KIAA1614: variants seen among roughly 807,000 people sequenced by gnomAD.
The protein encoded by KIAA1614 is uncharacterized protein KIAA1614.
Under a neutral mutation model 88.7 loss-of-function variants are expected in KIAA1614, and 76 were observed. That is an observed-to-expected ratio of 0.86 (90% CI 0.71 to 1.04). KIAA1614 has a LOEUF of 1.04. Among genes scored for constraint, KIAA1614 ranks in the 50% least tolerant of loss-of-function variants. KIAA1614 has a pLI of 0.00. For synonymous variants in KIAA1614, 714 were observed against 675.5 expected (o/e 1.06, Z -0.88); for missense variants, 1,553 against 1,582.5 (o/e 0.98, Z 0.32).
chr1:180,916,876 C>T lies in KIAA1614; in HGVS notation c.773C>T (p.Ser258Phe), dbSNP rs777617928. 9 of 1,614,096 alleles carry T rather than the reference C, an allele frequency of 5.6e-6. No individual in the cohort carries two copies. In the African/African-American group the frequency reaches 8.0e-5, roughly 14 times the overall value. Residue 258 changes from serine (S) to phenylalanine (F), a missense_variant, in exon 2 of 9, where the codon TCC (serine) becomes TTC (phenylalanine). By Grantham distance (155) the Ser-to-Phe change is radical (BLOSUM62 -2). Coordinates refer to ENST00000367588, the MANE Select transcript of KIAA1614 (RefSeq NM_020950.2). ...ACAGAGGCAGATCTGGATAGCACAT[C>T]CCTGACCTCCGAGGAGGTCTTTGTC... Reference protein sequence around the residue: ...VVTEADLDSTSLTSEEVFVPR... With the variant: ...VVTEADLDSTFLTSEEVFVPR...
chr1:180,914,781 C>T (rs1653741066), intron 1 of KIAA1614, among the ~76,000 whole-genome samples: 1 of 152,008 alleles, frequency 6.6e-6, no homozygotes, highest in Non-Finnish European at 1.5e-5. Context: ...CTCTGTCGCC[C>T]AGGCTGGAGT....
In KIAA1614 at chr1:180,935,730, G is replaced by A. The variant is rs778570803; in HGVS notation, c.1821G>A (p.Glu607=). ...THIGDTVCPA[E]VDSALDSTDN... ...TCGGAGACACCGTGTGCCCTGCGGA[G>A]GTGGACTCTGCCCTGGACAGCACAG... is the stretch of plus-strand genomic sequence containing the variant. Residue 607 remains glutamate (E), a synonymous_variant, in exon 5 of 9, where the codon GAG becomes GAA. Transcript: ENST00000367588. The surrounding 1 kb of genome is among the most constrained non-coding windows in gnomAD (Gnocchi z 6.1). 1.6e-5 allele frequency: 26 copies of A among 1,613,700 alleles called. No individual in the cohort carries two copies. The highest frequency in any genetic ancestry group is 4.2e-6 in the Non-Finnish European group (5 of 1,179,968).
intron 7 of KIAA1614, 49 bp downstream of exon 7, chr1:180,941,334 C>A: frequency 6.4e-7 from 1 of 1,557,208 alleles, no homozygotes; most frequent in Non-Finnish European, 8.7e-7. Flanking sequence ...AGCGGTGCAA[C>A]CACCATCAGA....
intron 4 of KIAA1614, among the ~76,000 whole-genome samples, chr1:180,934,681 A>G (rs1364578225): frequency 6.6e-6 from 1 of 152,236 alleles, no homozygotes; most frequent in East Asian, 1.9e-4. Context: ...CCGTGACAGC[A>G]TTACAGCAAA....
chr1:180,935,308 C>G lies in KIAA1614; in HGVS notation c.1399C>G (p.Arg467Gly). 1 of 1,485,974 alleles carries G rather than the reference C, an allele frequency of 6.7e-7. No individual in the cohort carries two copies. The highest frequency in any genetic ancestry group is 8.9e-7 in the Non-Finnish European group (1 of 1,121,236). 92.0% of individuals were successfully genotyped at this position (1,485,974 alleles called of 1,614,324 possible). Residue 467 changes from arginine (R) to glycine (G), a missense_variant, in exon 5 of 9, where the codon CGG (arginine) becomes GGG (glycine). By Grantham distance (125) the Arg-to-Gly change is moderately radical. Coordinates refer to ENST00000367588, the MANE Select transcript of KIAA1614 (RefSeq NM_020950.2). This position sits in a 1 kb window ranked among gnomAD's most constrained non-coding sequence, Gnocchi z 6.1. The part of the protein sequence containing the change: ...AREAEFRHLE[R>G]LQQRQRQVLS... ...CGAAGCCGAGTTCCGTCACCTGGAGCGGCTGCAGCAGCGCCAGCGCCAGGT... is the reference window on the plus strand; with the variant it reads ...CGAAGCCGAGTTCCGTCACCTGGAGGGGCTGCAGCAGCGCCAGCGCCAGGT...
At chr1:180,940,990 C>T (rs1198045887) in intron 6 of KIAA1614, 55 bp from the exon 7 acceptor site, 1 of 1,417,482 alleles carries the variant, frequency 7.1e-7, no homozygotes, top group Non-Finnish European at 9.5e-7. Context: ...GTACAGTCTC[C>T]CTGGCCACCC....
At position 180,935,673 on chromosome 1, in the gene KIAA1614, G is replaced by A; in HGVS notation, c.1764G>A (p.Arg588=). 1 of 1,613,394 alleles carries A rather than the reference G, an allele frequency of 6.2e-7. No homozygotes were observed. The highest frequency in any genetic ancestry group is 8.5e-7 in the Non-Finnish European group (1 of 1,179,888). The change falls in exon 5 of 9, where the codon CGG becomes CGA. Residue 588 remains arginine (R), a synonymous_variant. Transcript: ENST00000367588. The surrounding 1 kb of genome is among the most constrained non-coding windows in gnomAD (Gnocchi z 6.1). The part of the protein sequence containing the change: ...SPLRLLPAEP[R]LHMEWIRETH... ...TCCGGCTCCTTCCTGCAGAGCCCCG[G>A]CTCCACATGGAATGGATCCGGGAAA...
chr1:180,915,875 T>C (rs1330257075), intron 1 of KIAA1614, among the ~76,000 whole-genome samples: 3 of 152,196 alleles, frequency 2.0e-5, no homozygotes, highest in Non-Finnish European at 4.4e-5. Flanking sequence ...AAGCTCCTTA[T>C]GAGAATCTAA....
chr1:180,926,398 G>A (rs892829202), intron 3 of KIAA1614, among the ~76,000 whole-genome samples: 21 of 151,056 alleles, frequency 1.4e-4, no homozygotes, highest in Middle Eastern at 3.5e-3. Flanking sequence ...GCCTCTAGGC[G>A]CCTAAAAAGC....
rs1240716484 is a variant in KIAA1614 at position 180,934,805 on chromosome 1, ACTT to A, written c.1206-308_1206-306del. 5.3e-5 allele frequency among the ~76,000 whole-genome samples: 8 copies of A among 152,286 alleles called. No individual in the cohort carries two copies. In the South Asian group the frequency reaches 1.2e-3, roughly 24 times the overall value. The stretch of plus-strand genomic sequence containing the variant: ...ACCCCAGCAACACACACTTGTGAGG[ACTT>A]CAGCATCTTCCCATTCAATAGTGTT... On this transcript the variant is annotated intron_variant, in intron 4 of 8. Transcript: ENST00000367588.
Position 180,943,548 on chromosome 1 carries a change from A to ATTTTTTTTTTTTTTTT in KIAA1614, c.3160-840_3160-839insTTTTTTTTTTTTTTTT, listed in dbSNP as rs201999726. On this transcript the variant is annotated intron_variant, in intron 7 of 8. Coordinates refer to ENST00000367588, the MANE Select transcript of KIAA1614 (RefSeq NM_020950.2). ...GGATTGTAGGATTGAATGGTAGTAG[A>ATTTTTTTTTTTTTTTT]TCTTTTTTTTTTTTTTTTGAGACAG... Among the ~76,000 whole-genome samples the ATTTTTTTTTTTTTTTT allele has an allele frequency of 3.1e-3, 233 of 74,860 alleles. 55 individuals carry two copies. The highest frequency in any genetic ancestry group is 8.1e-3 in the Middle Eastern group (1 of 124). 49.1% of individuals were successfully genotyped at this position (74,860 alleles called of 152,430 possible).
Position 180,917,854 on chromosome 1 carries a change from G to T in KIAA1614, c.1001G>T (p.Arg334Leu). The change falls in exon 3 of 9, where the codon CGA becomes CTA. Residue 334 changes from arginine (R) to leucine (L), a missense_variant. Physicochemically the swap from Arg to Leu is moderately radical, Grantham distance 102. Transcript: ENST00000367588. ...CTGCTTCTGTTCTGGATCCTAGAGC[G>T]ACCAGTGGGGGATGTGGACTGGGCC... ...TPSWDTAAPE[R>L]PVGDVDWASG... The T allele has an allele frequency of 6.2e-7, 1 of 1,613,808 alleles. No individual in the cohort carries two copies. The highest frequency in any genetic ancestry group is 1.1e-5 in the South Asian group (1 of 91,070).
In KIAA1614 at chr1:180,916,170, A is replaced by G. The variant is rs1571280843; in HGVS notation, c.67A>G (p.Ser23Gly). 3.2e-6 allele frequency: 5 copies of G among 1,569,680 alleles called. No individual in the cohort carries two copies. The highest frequency in any genetic ancestry group is 4.3e-6 in the Non-Finnish European group (5 of 1,158,044). The change falls in exon 2 of 9, where the codon AGT (serine) becomes GGT (glycine). Residue 23 changes from serine (S) to glycine (G), a missense_variant. Coordinates refer to ENST00000367588, the MANE Select transcript of KIAA1614 (RefSeq NM_020950.2). ...GGSPQGPKTG[S>G]GTASPVEGTS... ...CTCCTCCAGAGGGCCCAAGACAGGG[A>G]GTGGAACAGCCAGCCCCGTGGAGGG...
chr1:180,940,643 T>G (rs1429181116), intron 6 of KIAA1614, among the ~76,000 whole-genome samples: 2 of 152,126 alleles, frequency 1.3e-5, no homozygotes, highest in Non-Finnish European at 2.9e-5. Flanking sequence ...TCTTTTCTTT[T>G]CTTTTCTTTC....
chr1:180,916,765 C>CA lies in KIAA1614; in HGVS notation c.662_663insA (p.Gly222TrpfsTer7). ...ATCCATGGAGTTACTCCCGGACGGCCTGGGGGTCCTGGTCATTGTAACAAA... is the reference window on the plus strand; with the variant it reads ...ATCCATGGAGTTACTCCCGGACGGCCATGGGGGTCCTGGTCATTGTAACAAA... On this transcript the variant is annotated frameshift_variant, in exon 2 of 9. Coordinates refer to ENST00000367588, the MANE Select transcript of KIAA1614 (RefSeq NM_020950.2). LOFTEE classifies it high-confidence loss of function. The CA allele has an allele frequency of 6.2e-7, 1 of 1,614,226 alleles. No homozygotes were observed. Among genetic ancestry groups the CA allele is most frequent in the Non-Finnish European group, 8.5e-7 (1 of 1,180,036 alleles).
At position 180,917,033 on chromosome 1, in the gene KIAA1614, T is replaced by C; in HGVS notation, c.930T>C (p.Val310=). ...TGTTGCTGCAGGAGATGCTCAACGT[T>C]TCTGGGCAGAGCCCCCGCAAGGTGG... is the stretch of plus-strand genomic sequence containing the variant. ...NRLLLQEMLN[V]SGQSPRKVGT... is the part of the protein sequence containing the mutation. Residue 310 remains valine (V), a synonymous_variant, in exon 2 of 9, where the codon GTT becomes GTC. Transcript: ENST00000367588. 1 of 1,613,890 alleles carries C rather than the reference T, an allele frequency of 6.2e-7. No homozygotes were observed. Among genetic ancestry groups the C allele is most frequent in the Non-Finnish European group, 8.5e-7 (1 of 1,180,036 alleles).
rs759709240 is a variant in KIAA1614 at position 180,916,786 on chromosome 1, A to G, written c.683A>G (p.Asn228Ser). Reference protein sequence around the residue: ...PGRPGGPGHCNKIIHIPSPRT... With the variant: ...PGRPGGPGHCSKIIHIPSPRT... Reference sequence around the variant, plus strand: ...CGGCCTGGGGGTCCTGGTCATTGTAACAAAATCATCCACATTCCCAGCCCA... The same window carrying G: ...CGGCCTGGGGGTCCTGGTCATTGTAGCAAAATCATCCACATTCCCAGCCCA... The change falls in exon 2 of 9, where the codon AAC (asparagine) becomes AGC (serine). Residue 228 changes from asparagine (N) to serine (S), a missense_variant. Physicochemically the swap from Asn to Ser is conservative, Grantham distance 46. Coordinates refer to ENST00000367588, the MANE Select transcript of KIAA1614 (RefSeq NM_020950.2). The G allele has an allele frequency of 1.0e-4, 164 of 1,614,132 alleles. No homozygotes were observed. In the Admixed American group the frequency reaches 1.9e-3, roughly 19 times the overall value.
At chr1:180,919,023 T>C (rs73047800) in intron 3 of KIAA1614, among the ~76,000 whole-genome samples, 8,152 of 152,146 alleles carry the variant, frequency 0.054, 717 homozygotes, top group African/African-American at 0.18. Context: ...TGGGGCCTCT[T>C]AGAAGGGCAC....
rs1654713273 is a variant in KIAA1614, at chr1:180,950,767, G to A, written c.*5179G>A. ...TCCAGAACTAGAAAAAGAAAAAAAT[G>A]GGTCTCCTTCCATGTCTGAGGGGGT... On this transcript the variant is annotated 3_prime_UTR_variant, in exon 9 of 9. Transcript: ENST00000367588. The A allele has an allele frequency of 6.5e-6, 1 of 153,040 alleles. No homozygotes were observed. The highest frequency in any genetic ancestry group is 6.5e-5 in the Admixed American group (1 of 15,290). 9.5% of individuals were successfully genotyped at this position (153,040 alleles called of 1,614,324 possible).
Sources: allele counts gnomAD v4.1 joint callset (sites outside exome capture counted in the v4.1 genomes callset), GRCh38; gene constraint gnomAD v4.1.1; non-coding constraint Gnocchi (gnomAD v3.1); transcripts MANE v1.5; gene names NCBI Gene and HGNC (gene_info 2026-07-23, HGNC 2026-07-21).